The following STX8 variants were observed in gnomAD, a reference collection of about 807,000 sequenced individuals.
The protein encoded by STX8 is syntaxin-8.
A neutral mutation model predicts 37.5 loss-of-function variants in STX8; 23 were observed. That is an observed-to-expected ratio of 0.61 (90% CI 0.44 to 0.87). The LOEUF (loss-of-function observed/expected upper bound fraction) is 0.87. Ranked by LOEUF, STX8 falls within the 40% of genes least tolerant of loss-of-function variation. The pLI is 0.00. For synonymous variants in STX8, 115 were observed against 99.1 expected, an observed-to-expected ratio of 1.16 and a Z score of -0.95; for missense variants, 313 against 284.7, an observed-to-expected ratio of 1.10 and a Z score of -0.71.
intron 6 of STX8, among the ~76,000 whole-genome samples, chr17:9,418,528 A>G (rs1364495855): frequency 6.7e-6 from 1 of 150,222 alleles, no homozygotes; most frequent in African/African-American, 2.5e-5. Context: ...AAAAAAAAAA[A>G]AAACAAAAAA....
At chr17:9,530,522 CT>C (rs1354834796) in intron 4 of STX8, among the ~76,000 whole-genome samples, 1 of 152,150 alleles carries the variant, frequency 6.6e-6, no homozygotes, top group African/African-American at 2.4e-5. Context: ...TTTAGCCATT[CT>C]TGTAGTATAA....
At chr17:9,357,438 C>A (rs770138190) in intron 7 of STX8, among the ~76,000 whole-genome samples, 1 of 151,906 alleles carries the variant, frequency 6.6e-6, no homozygotes, top group Non-Finnish European at 1.5e-5. Context: ...GCCTGTAATC[C>A]CAGCACTTTG....
chr17:9,259,360 G>A (rs1029380700), intron 7 of STX8, among the ~76,000 whole-genome samples: 1 of 152,160 alleles, frequency 6.6e-6, no homozygotes, highest in Middle Eastern at 3.2e-3. Flanking sequence ...CCTAGTGGTC[G>A]CAGGTGCTCC....
chr17:9,533,261 A>G (rs965738879), intron 4 of STX8, among the ~76,000 whole-genome samples: 3 of 152,156 alleles, frequency 2.0e-5, no homozygotes, highest in Non-Finnish European at 4.4e-5. Context: ...GGAGTTCAGG[A>G]GTTCAAGACC....
intron 4 of STX8, among the ~76,000 whole-genome samples, chr17:9,524,802 G>T (rs1905497611): frequency 1.4e-5 from 2 of 139,354 alleles, no homozygotes; most frequent in Non-Finnish European, 1.5e-5. Context: ...TTTGAGATGG[G>T]GTCTCACTCT....
At chr17:9,414,565 T>C (rs150859181) in intron 6 of STX8, among the ~76,000 whole-genome samples, 87 of 152,030 alleles carry the variant, frequency 5.7e-4, no homozygotes, top group African/African-American at 2.0e-3. Context: ...AGGGGACTTG[T>C]GTGAAGTCGA....
At chr17:9,253,207 G>GGTGTGTGTGTGTGTGTGTGTGTGT (rs36048368) in intron 7 of STX8, among the ~76,000 whole-genome samples, 16 of 140,940 alleles carry the variant, frequency 1.1e-4, no homozygotes, top group African/African-American at 1.9e-4. Context: ...CAGGGGTAGG[G>GGTGTGTGTGTGTGTGTGTGTGTGT]GTGTGTGTGT....
chr17:9,308,938 T>TA (rs1205716317), intron 7 of STX8, among the ~76,000 whole-genome samples: 1 of 151,726 alleles, frequency 6.6e-6, no homozygotes, highest in Admixed American at 6.6e-5. Flanking sequence ...AGGATAAACA[T>TA]AAAAGGAACC....
At chr17:9,460,722 T>C (rs1263366294) in intron 6 of STX8, among the ~76,000 whole-genome samples, 1 of 145,478 alleles carries the variant, frequency 6.9e-6, no homozygotes, top group Non-Finnish European at 1.5e-5. Context: ...AACAACAACA[T>C]ATCTTTATCA....
chr17:9,333,599 C>T (rs113456985), intron 7 of STX8, among the ~76,000 whole-genome samples: 25 of 152,240 alleles, frequency 1.6e-4, no homozygotes, highest in Admixed American at 1.0e-3. Flanking sequence ...CTGTGTTAGC[C>T]AGGATGGTCT....
chr17:9,412,004 A>T (rs992908023), intron 6 of STX8, among the ~76,000 whole-genome samples: 2 of 152,158 alleles, frequency 1.3e-5, no homozygotes, highest in Non-Finnish European at 2.9e-5. Context: ...AGTACATGGA[A>T]CTCAAAAGTC....
intron 2 of STX8, among the ~76,000 whole-genome samples, chr17:9,558,893 A>G (rs956773559): frequency 6.6e-6 from 1 of 152,144 alleles, no homozygotes; most frequent in Non-Finnish European, 1.5e-5. Flanking sequence ...GCCTACGAAG[A>G]GGAGTCCACA....
At chr17:9,548,248 G>A (rs1482134775) in intron 3 of STX8, among the ~76,000 whole-genome samples, 2 of 152,006 alleles carry the variant, frequency 1.3e-5, no homozygotes, top group South Asian at 2.1e-4. Flanking sequence ...GGGATTACAT[G>A]CACATGCCAC....
chr17:9,312,382 G>GT (rs1385937019), intron 7 of STX8, among the ~76,000 whole-genome samples: 1 of 151,604 alleles, frequency 6.6e-6, no homozygotes, highest in African/African-American at 2.4e-5. Context: ...TGTATTTTTA[G>GT]TAGAGATGGG....
chr17:9,307,870 C>A (rs570381891), intron 7 of STX8, among the ~76,000 whole-genome samples: 119 of 152,180 alleles, frequency 7.8e-4, no homozygotes, highest in Non-Finnish European at 1.5e-3. Flanking sequence ...GAACTCTTCT[C>A]CCCCAAAAGC....
chr17:9,405,190 G>A (rs760882957), intron 6 of STX8, among the ~76,000 whole-genome samples: 2 of 151,996 alleles, frequency 1.3e-5, no homozygotes, highest in Non-Finnish European at 2.9e-5. Context: ...ATGTTCTATC[G>A]GGGTTCTCTT....
At chr17:9,312,033 G>A (rs1160593358) in intron 7 of STX8, among the ~76,000 whole-genome samples, 1 of 151,792 alleles carries the variant, frequency 6.6e-6, no homozygotes, top group African/African-American at 2.4e-5. Context: ...ATTTTTAGTA[G>A]AGACGGGGTT....
At position 9,376,204 on chromosome 17, in the gene STX8, C is replaced by G. The variant is rs114053051; in HGVS notation, c.643+2348G>C. Reference sequence around the variant, plus strand: ...AGGATTATAAACACACCAATCAGCGCTCTGTGTCTCGCTAAAGGTTTGAAA... The same window carrying G: ...AGGATTATAAACACACCAATCAGCGGTCTGTGTCTCGCTAAAGGTTTGAAA... On this transcript the variant is annotated intron_variant, in intron 7 of 7. Transcript: ENST00000306357. Among the ~76,000 whole-genome samples the G allele has an allele frequency of 6.2e-3, 942 of 152,284 alleles. 9 individuals carry two copies. Among genetic ancestry groups the G allele is most frequent in the African/African-American group, 0.022 (914 of 41,560 alleles).
chr17:9,422,365 C>T (rs1597661561), intron 6 of STX8, among the ~76,000 whole-genome samples: 1 of 152,302 alleles, frequency 6.6e-6, no homozygotes, highest in Non-Finnish European at 1.5e-5. Flanking sequence ...CCTCGGCCTC[C>T]CAAAGTGCTG....
Sources: allele counts gnomAD v4.1 joint callset (sites outside exome capture counted in the v4.1 genomes callset), GRCh38; gene constraint gnomAD v4.1.1; transcripts MANE v1.5; gene names NCBI Gene and HGNC (gene_info 2026-07-23, HGNC 2026-07-21).